KIRREL3: variants seen among roughly 807,000 people sequenced by gnomAD.
KIRREL3 encodes kin of IRRE-like protein 3.
KIRREL3 carries 36 observed loss-of-function variants against 89.7 expected under a neutral mutation model. The ratio of observed to expected loss-of-function variants is 0.40; its 90% CI spans 0.31 to 0.53. The LOEUF is 0.53. Ranked by LOEUF, KIRREL3 falls within the 20% of genes least tolerant of loss-of-function variation. The pLI is 0.49. For missense variants in KIRREL3, 864 were observed against 1,056.6 expected (o/e 0.82, Z 2.53); for synonymous variants, 445 against 441.4 (o/e 1.01, Z -0.10).
chr11:126,576,517 T>G lies in KIRREL3; in HGVS notation c.56-13605A>C, dbSNP rs556631187. On this transcript the variant is annotated intron_variant, in intron 1 of 16. Coordinates refer to ENST00000525144, the MANE Select transcript of KIRREL3 (RefSeq NM_032531.4). This position sits in a 1 kb window ranked among gnomAD's most constrained non-coding sequence, Gnocchi z 5.4. ...GTAGTTCCTTTCCCTTACACGTAAT[T>G]TAGAGGTAGGAAGTTTCATGTGGGT... is the stretch of plus-strand genomic sequence containing the variant. Among the ~76,000 whole-genome samples the G allele has an allele frequency of 3.3e-4, 50 of 152,264 alleles. No individual in the cohort carries two copies. The highest frequency in any genetic ancestry group is 1.4e-3 in the Admixed American group (22 of 15,298).
rs891479051 is a variant in KIRREL3, at chr11:126,627,624, C to T, written c.56-64712G>A. Among the ~76,000 whole-genome samples the T allele has an allele frequency of 1.4e-4, 21 of 152,302 alleles. No individual in the cohort carries two copies. Among genetic ancestry groups the T allele is most frequent in the Admixed American group, 1.0e-3 (16 of 15,304 alleles). On this transcript the variant is annotated intron_variant, in intron 1 of 16. Transcript: ENST00000525144. The surrounding 1 kb of genome is among the most constrained non-coding windows in gnomAD (Gnocchi z 5.0). The stretch of plus-strand genomic sequence containing the variant: ...AATTAACATGTCTTGTCAGGTCCAG[C>T]GGTTGGCTTTAGTAAATATGCCTCA...
At position 126,978,331 on chromosome 11, in the gene KIRREL3, A is replaced by C. The variant is rs1949635805; in HGVS notation, c.55+22124T>G. On this transcript the variant is annotated intron_variant, in intron 1 of 16. Transcript: ENST00000525144. The surrounding 1 kb of genome is among the most constrained non-coding windows in gnomAD (Gnocchi z 4.2). ...TGGGCGTGTTCTTCACCTTCCCTTC[A>C]AACTTTAGCCAATTAGGTTTCCTCC... Among the ~76,000 whole-genome samples, 1 of 151,906 alleles carries C rather than the reference A, an allele frequency of 6.6e-6. No individual in the cohort carries two copies. Among genetic ancestry groups the C allele is most frequent in the Non-Finnish European group, 1.5e-5 (1 of 67,974 alleles).
rs1282457898 is a variant in KIRREL3 at position 126,498,245 on chromosome 11, C to G, written c.433+23070G>C. Among the ~76,000 whole-genome samples, 1 of 152,138 alleles carries G rather than the reference C, an allele frequency of 6.6e-6. No homozygotes were observed. The highest frequency in any genetic ancestry group is 1.5e-5 in the Non-Finnish European group (1 of 68,024). On this transcript the variant is annotated intron_variant, in intron 4 of 16. Transcript: ENST00000525144. This position sits in a 1 kb window ranked among gnomAD's most constrained non-coding sequence, Gnocchi z 4.3. ...ACAAAAGAGGATTTACTTTCTTCCC[C>G]CAAAATGATGTCATCAGCTAAGACA...
Position 126,946,604 on chromosome 11 carries a change from T to C in KIRREL3, c.55+53851A>G, listed in dbSNP as rs1337699921. Among the ~76,000 whole-genome samples the C allele has an allele frequency of 6.6e-6, 1 of 152,200 alleles. No homozygotes were observed. Among genetic ancestry groups the C allele is most frequent in the Admixed American group, 6.5e-5 (1 of 15,282 alleles). ...ACATGTTTTATGTCAGTTACTATGATAAGAGCTCATAAAATATGTCCCAAT... is the reference window on the plus strand; with the variant it reads ...ACATGTTTTATGTCAGTTACTATGACAAGAGCTCATAAAATATGTCCCAAT... On this transcript the variant is annotated intron_variant, in intron 1 of 16. Transcript: ENST00000525144. This position sits in a 1 kb window ranked among gnomAD's most constrained non-coding sequence, Gnocchi z 4.1.
intron 4 of KIRREL3, among the ~76,000 whole-genome samples, chr11:126,488,780 A>T (rs1957432606): frequency 6.6e-6 from 1 of 152,142 alleles, no homozygotes; most frequent in South Asian, 2.1e-4. Context: ...CCTGTTCCCC[A>T]CAGGGGATCC....
At chr11:126,505,699 C>A (rs1000024241) in intron 4 of KIRREL3, among the ~76,000 whole-genome samples, 3 of 152,060 alleles carry the variant, frequency 2.0e-5, no homozygotes, top group Non-Finnish European at 4.4e-5. Flanking sequence ...AAGAAAATTT[C>A]ATTCACAGTA....
chr11:126,457,403 GTATGCACGTGTGTATGTGTGTC>G (rs1956403420), intron 6 of KIRREL3, among the ~76,000 whole-genome samples: 1 of 151,796 alleles, frequency 6.6e-6, no homozygotes, highest in Admixed American at 6.6e-5. Context: ...GTGTATGTGT[GTATGCACGTGTGTATGTGTGTC>G]TATGCGTGTG....
At chr11:126,690,220 T>G (rs538311398) in intron 1 of KIRREL3, among the ~76,000 whole-genome samples, 1 of 152,250 alleles carries the variant, frequency 6.6e-6, no homozygotes, top group Non-Finnish European at 1.5e-5. Flanking sequence ...CCTTAATTCA[T>G]GTATGTGCTG....
rs566549863 is a variant in KIRREL3 at position 126,882,562 on chromosome 11, G to A, written c.55+117893C>T. On this transcript the variant is annotated intron_variant, in intron 1 of 16. Coordinates refer to ENST00000525144, the MANE Select transcript of KIRREL3 (RefSeq NM_032531.4). ...TAGTCTGGAGGCATCCCAGTAGAAC[G>A]CAGAATGCAGGGAGGAATTACGTCC... is the stretch of plus-strand genomic sequence containing the variant. Among the ~76,000 whole-genome samples the A allele has an allele frequency of 4.6e-5, 7 of 152,326 alleles. No homozygotes were observed. In the East Asian group the frequency reaches 9.6e-4, roughly 21 times the overall value.
chr11:126,556,781 AGT>A (rs1295622922), intron 2 of KIRREL3, among the ~76,000 whole-genome samples: 1 of 152,096 alleles, frequency 6.6e-6, no homozygotes, highest in African/African-American at 2.4e-5. Context: ...CTGGCTGGAG[AGT>A]GGAAACGGCA....
At position 126,456,435 on chromosome 11, in the gene KIRREL3, G is replaced by A; in HGVS notation, c.762C>T (p.Leu254=). 6.3e-7 allele frequency: 1 copy of A among 1,584,584 alleles called. No homozygotes were observed. Among genetic ancestry groups the A allele is most frequent in the South Asian group, 1.2e-5 (1 of 86,144 alleles). ...IDIQHPPLVN[L]SVEPQPVLED... ...CCAGCACTGGCTGTGGCTCCACCGA[G>A]AGGTTGACCAGTGGAGGGTCTGCAG... Residue 254 remains leucine (L), a synonymous_variant, in exon 7 of 17, where the codon CTC becomes CTT. Coordinates refer to ENST00000525144, the MANE Select transcript of KIRREL3 (RefSeq NM_032531.4).
In KIRREL3 at chr11:126,651,659, T is replaced by C. The variant is rs761671819; in HGVS notation, c.56-88747A>G. ...GAATTTACCAAATTTGTGGGTATTA[T>C]GGAGATATTAATTCCATATGAAACC... On this transcript the variant is annotated intron_variant, in intron 1 of 16. Transcript: ENST00000525144. This position sits in a 1 kb window ranked among gnomAD's most constrained non-coding sequence, Gnocchi z 4.6. 9.9e-5 allele frequency among the ~76,000 whole-genome samples: 15 copies of C among 152,268 alleles called. No individual in the cohort carries two copies. Among genetic ancestry groups the C allele is most frequent in the Non-Finnish European group, 2.1e-4 (14 of 68,046 alleles).
chr11:126,453,021 C>T (rs1179307458), intron 7 of KIRREL3, among the ~76,000 whole-genome samples: 1 of 152,092 alleles, frequency 6.6e-6, no homozygotes, highest in African/African-American at 2.4e-5. Context: ...GCAGTTTCTT[C>T]CCTGTCCTTC....
intron 1 of KIRREL3, among the ~76,000 whole-genome samples, chr11:126,582,511 T>A (rs1941605119): frequency 1.3e-5 from 2 of 152,222 alleles, no homozygotes; most frequent in Admixed American, 6.5e-5. Context: ...AGCAAGGATT[T>A]CGGCAGATGC....
chr11:126,934,846 G>A (rs1199695502), intron 1 of KIRREL3: 1 of 152,142 alleles, frequency 6.6e-6, no homozygotes, highest in African/African-American at 2.4e-5. Flanking sequence ...AGATCACGAG[G>A]TCAGGACATC....
Position 126,890,984 on chromosome 11 carries a change from C to T in KIRREL3, c.55+109471G>A, listed in dbSNP as rs1049340946. 1.3e-5 allele frequency among the ~76,000 whole-genome samples: 2 copies of T among 152,226 alleles called. No individual in the cohort carries two copies. Among genetic ancestry groups the T allele is most frequent in the Non-Finnish European group, 2.9e-5 (2 of 68,048 alleles). On this transcript the variant is annotated intron_variant, in intron 1 of 16. Coordinates refer to ENST00000525144, the MANE Select transcript of KIRREL3 (RefSeq NM_032531.4). The surrounding 1 kb of genome is among the most constrained non-coding windows in gnomAD (Gnocchi z 5.1). ...TCATTACATTTCTGAGCCCACTCTG[C>T]TGCCTTTATTTAATGAGGTTTATTG...
chr11:126,503,354 G>A (rs901014760), intron 4 of KIRREL3, among the ~76,000 whole-genome samples: 5 of 152,134 alleles, frequency 3.3e-5, no homozygotes, highest in Admixed American at 2.0e-4. Context: ...AGCAGAGGAG[G>A]AACCATCTCT....
chr11:126,717,936 C>T (rs1228567926), intron 1 of KIRREL3, among the ~76,000 whole-genome samples: 4 of 152,124 alleles, frequency 2.6e-5, no homozygotes, highest in Admixed American at 6.5e-5. Context: ...GGAACAAATA[C>T]AGATGGTAGT....
rs1375579893 is a variant in KIRREL3, at chr11:126,555,106, C to G, written c.133+7729G>C. Among the ~76,000 whole-genome samples, 3 of 152,342 alleles carry G rather than the reference C, an allele frequency of 2.0e-5. No individual in the cohort carries two copies. The highest frequency in any genetic ancestry group is 3.9e-4 in the East Asian group (2 of 5,186). ...TCATGTGACCTGATTCTTCCTGACA[C>G]TGGACAAGAAGCTGGGTGCCGAGAG... On this transcript the variant is annotated intron_variant, in intron 2 of 16. Coordinates refer to ENST00000525144, the MANE Select transcript of KIRREL3 (RefSeq NM_032531.4). This position sits in a 1 kb window ranked among gnomAD's most constrained non-coding sequence, Gnocchi z 4.2.
Sources: gnomAD v4.1 joint callset for allele counts (sites outside exome capture counted in the v4.1 genomes callset) on GRCh38, gnomAD v4.1.1 for gene constraint, Gnocchi (gnomAD v3.1) non-coding constraint, MANE v1.5 for transcripts, NCBI Gene and HGNC (gene_info 2026-07-23, HGNC 2026-07-21) for gene names.